ZNF385A: variants seen among roughly 807,000 people sequenced by gnomAD.
ZNF385A encodes zinc finger protein 385A, also known as hematopoietic zinc finger protein.
A neutral mutation model predicts 32.1 loss-of-function variants in ZNF385A; 14 were observed. The ratio of observed to expected loss-of-function variants is 0.44; its 90% CI spans 0.29 to 0.68. The LOEUF is 0.68. Ranked by LOEUF, ZNF385A falls within the 30% of genes least tolerant of loss-of-function variation. The pLI, the probability that ZNF385A is intolerant of heterozygous loss-of-function variation, is 0.14. For missense variants in ZNF385A, 406 were observed against 478.4 expected, an observed-to-expected ratio of 0.85 and a Z score of 1.41; for synonymous variants, 197 against 202.7, an observed-to-expected ratio of 0.97 and a Z score of 0.24.
chr12:54,371,458 C>A lies in ZNF385A; in HGVS notation c.604+15G>T. 1 of 1,598,524 alleles carries A rather than the reference C, an allele frequency of 6.3e-7. No homozygotes were observed. Among genetic ancestry groups the A allele is most frequent in the South Asian group, 1.1e-5 (1 of 90,206 alleles). ...GAGGACAGGAGAGTCTGGGTGGGGG[C>A]AGGGGAGTCCATACCTTTGTTATGT... On this transcript the variant is annotated intron_variant, in intron 4 of 6. Transcript: ENST00000394313.
chr12:54,377,721 C>A lies in ZNF385A; in HGVS notation c.88-1767G>T, dbSNP rs910038662. On this transcript the variant is annotated intron_variant, in intron 1 of 6. Transcript: ENST00000394313. ...TCCCAGTCTCCAGGCCTTAATCCTT[C>A]CTATTTAGAGACCCCCAACTCTGTT... 2.6e-4 allele frequency among the ~76,000 whole-genome samples: 40 copies of A among 152,138 alleles called. 1 individual carries two copies. Among genetic ancestry groups the A allele is most frequent in the African/African-American group, 9.7e-4 (40 of 41,440 alleles).
Position 54,375,962 on chromosome 12 carries a change from G to A in ZNF385A, c.88-8C>T, listed in dbSNP as rs764968698. ...CTTCTGCACAGGGTCCATCTGTGGA[G>A]GCAGGCTGGGGTGAGCCGGGAACCC... On this transcript the variant is annotated splice_region_variant and splice_polypyrimidine_tract_variant and intron_variant, in intron 1 of 6. Coordinates refer to ENST00000394313, the MANE Select transcript of ZNF385A (RefSeq NM_015481.3). 5 of 1,611,724 alleles carry A rather than the reference G, an allele frequency of 3.1e-6. No individual in the cohort carries two copies. In the South Asian group the frequency reaches 5.5e-5, roughly 18 times the overall value.
intron 1 of ZNF385A, 83 bp from the exon 2 acceptor site, chr12:54,376,037 C>T (rs1049146643): frequency 5.4e-6 from 6 of 1,109,812 alleles, no homozygotes; most frequent in African/African-American, 1.5e-5. Context: ...CTGTGTTGAA[C>T]CAAGGTCCCC....
At chr12:54,387,570 C>T (rs1955525304), upstream of ZNF385A, among the ~76,000 whole-genome samples, 1 of 152,104 alleles carries the variant, frequency 6.6e-6, no homozygotes, top group South Asian at 2.1e-4. Flanking sequence ...ACACAATCTC[C>T]CAGTAGGTGG....
intron 1 of ZNF385A, among the ~76,000 whole-genome samples, chr12:54,383,585 A>G (rs1350582564): frequency 6.6e-6 from 1 of 151,704 alleles, no homozygotes; most frequent in Non-Finnish European, 1.5e-5. Context: ...TTACCAAGTC[A>G]CTCTCCTGCT....
Position 54,370,569 on chromosome 12 carries a change from C to T in ZNF385A, c.870+57G>A. On this transcript the variant is annotated intron_variant, in intron 6 of 6. Transcript: ENST00000394313. This position sits in a 1 kb window ranked among gnomAD's most constrained non-coding sequence, Gnocchi z 5.5. ...CTCTCCCTGGGCAAAGCCCGCGTCC[C>T]TCTCTCCTCCCCGCCCGCGCCCTCC... The T allele has an allele frequency of 1.3e-6, 2 of 1,555,312 alleles. No homozygotes were observed. Among genetic ancestry groups the T allele is most frequent in the Non-Finnish European group, 1.7e-6 (2 of 1,149,052 alleles).
intron 1 of ZNF385A, chr12:54,379,120 G>C (rs1430865749): frequency 1.0e-6 from 1 of 980,942 alleles, no homozygotes; most frequent in African/African-American, 1.8e-5. Flanking sequence ...GACCCGGGCT[G>C]GGGGGCCGCG....
intron 1 of ZNF385A, among the ~76,000 whole-genome samples, chr12:54,381,610 G>A (rs1399275571): frequency 1.3e-5 from 2 of 152,144 alleles, no homozygotes; most frequent in African/African-American, 4.8e-5. Flanking sequence ...TTAGATGGGG[G>A]GAGGTTTTCT....
chr12:54,369,298 G>C lies in ZNF385A; in HGVS notation c.*958C>G. 1 of 152,328 alleles carries C rather than the reference G, an allele frequency of 6.6e-6. No homozygotes were observed. The allele number at this position is 152,328 out of a possible 1,614,324, so 9.4% of individuals were successfully genotyped here. On this transcript the variant is annotated 3_prime_UTR_variant, in exon 7 of 7. Coordinates refer to ENST00000394313, the MANE Select transcript of ZNF385A (RefSeq NM_015481.3). ...CCGGGTCGGCGGCTGAAGGGTTGAC[G>C]ATACGGAAACCACGGAGTCGGGGGT...
In ZNF385A at chr12:54,374,096, G is replaced by A; in HGVS notation, c.238C>T (p.Arg80Ter). The change falls in exon 3 of 7, where the codon CGA becomes TGA. Residue 80 changes from arginine (R) to a stop codon, truncating the protein, a stop_gained. Coordinates refer to ENST00000394313, the MANE Select transcript of ZNF385A (RefSeq NM_015481.3). LOFTEE classifies it high-confidence loss of function. ...EAHYKGNRHA[R>*]RVKGIEAAKT... ...GCAGCCTCAATGCCTTTGACTCGTC[G>A]GGCGTGGCGATTACCTTTGTAGTGC... The A allele has an allele frequency of 1.3e-6, 2 of 1,588,644 alleles. No homozygotes were observed. The highest frequency in any genetic ancestry group is 1.7e-4 in the Middle Eastern group (1 of 5,954).
chr12:54,371,370 G>T, intron 4 of ZNF385A, 103 bp downstream of exon 4: 3 of 1,459,686 alleles, frequency 2.1e-6, no homozygotes, highest in South Asian at 1.3e-5. Context: ...AGGCTGATAG[G>T]TCTTAGATGG....
At position 54,369,885 on chromosome 12, in the gene ZNF385A, C is replaced by A. The variant is rs1954421819; in HGVS notation, c.*371G>T. ...CGCTTATTGCCAAGAAAATCCATTT[C>A]TGTCCCCCCCGGACCCCGACCATGG... On this transcript the variant is annotated 3_prime_UTR_variant, in exon 7 of 7. Coordinates refer to ENST00000394313, the MANE Select transcript of ZNF385A (RefSeq NM_015481.3). 1 of 187,966 alleles carries A rather than the reference C, an allele frequency of 5.3e-6. No homozygotes were observed. Among genetic ancestry groups the A allele is most frequent in the Non-Finnish European group, 1.1e-5 (1 of 91,552 alleles). The allele number at this position is 187,966 out of a possible 1,614,324, so 11.6% of individuals were successfully genotyped here.
At chr12:54,381,143 C>T (rs568540983) in intron 1 of ZNF385A, among the ~76,000 whole-genome samples, 11 of 140,996 alleles carry the variant, frequency 7.8e-5, no homozygotes, top group South Asian at 4.4e-4. Flanking sequence ...TTGCAGTGAG[C>T]GGAGATTGGG....
chr12:54,389,026 A>T (rs543886222), upstream of ZNF385A, among the ~76,000 whole-genome samples: 2 of 152,270 alleles, frequency 1.3e-5, no homozygotes, highest in Non-Finnish European at 2.9e-5. Context: ...GGAGTAGTTG[A>T]CTGGGAAGGG....
At chr12:54,387,011 T>C (rs1375585001), upstream of ZNF385A, among the ~76,000 whole-genome samples, 1 of 152,210 alleles carries the variant, frequency 6.6e-6, no homozygotes, top group East Asian at 1.9e-4. Flanking sequence ...AGAGCTGAGA[T>C]ATAGATCAAG....
upstream of ZNF385A, chr12:54,385,257 C>T (rs1298933002): frequency 6.6e-6 from 1 of 152,296 alleles, no homozygotes; most frequent in Non-Finnish European, 1.5e-5. Context: ...GCTACAGGTC[C>T]AGTTCTGCAG....
In ZNF385A at chr12:54,375,859, G is replaced by T. The variant is rs1954823002; in HGVS notation, c.183C>A (p.Ile61=). Residue 61 remains isoleucine (I), a synonymous_variant, in exon 2 of 7, where the codon ATC becomes ATA. Coordinates refer to ENST00000394313, the MANE Select transcript of ZNF385A (RefSeq NM_015481.3). Reference sequence around the variant, plus strand: ...GGCTTCTTACCTGAGAATTGAAGCGGATTTGACAGATATTACAGGAAATGA... The same window carrying T: ...GGCTTCTTACCTGAGAATTGAAGCGTATTTGACAGATATTACAGGAAATGA... ...RPVISCNICQ[I]RFNSQSQAEA... is the part of the protein sequence containing the mutation. 1 of 1,614,004 alleles carries T rather than the reference G, an allele frequency of 6.2e-7. No individual in the cohort carries two copies. The highest frequency in any genetic ancestry group is 1.3e-5 in the African/African-American group (1 of 74,892).
chr12:54,372,633 A>G (rs998644366), intron 3 of ZNF385A, among the ~76,000 whole-genome samples: 6 of 152,218 alleles, frequency 3.9e-5, no homozygotes, highest in African/African-American at 1.4e-4. Flanking sequence ...AGTGCTATTC[A>G]AGAAATGTTA....
chr12:54,374,021 G>A lies in ZNF385A; in HGVS notation c.313C>T (p.Pro105Ser), dbSNP rs1317401001. ...PGVREPGDPAPPGSTPTNGDG... is the reference protein window; with the variant it reads ...PGVREPGDPASPGSTPTNGDG... The stretch of plus-strand genomic sequence containing the variant: ...CCATTTGTTGGGGTGCTGCCTGGGG[G>A]AGCTGGGTCTCCAGGTTCTCGGACG... Residue 105 changes from proline (P) to serine (S), a missense_variant, in exon 3 of 7, where the codon CCC becomes TCC. By Grantham distance (74) the Pro-to-Ser change is moderately conservative. Coordinates refer to ENST00000394313, the MANE Select transcript of ZNF385A (RefSeq NM_015481.3). 1.9e-6 allele frequency: 3 copies of A among 1,595,588 alleles called. No homozygotes were observed. Among genetic ancestry groups the A allele is most frequent in the Admixed American group, 1.7e-5 (1 of 58,638 alleles).
Sources: allele counts gnomAD v4.1 joint callset (sites outside exome capture counted in the v4.1 genomes callset), GRCh38; gene constraint gnomAD v4.1.1; non-coding constraint Gnocchi (gnomAD v3.1); transcripts MANE v1.5; gene names NCBI Gene and HGNC (gene_info 2026-07-23, HGNC 2026-07-21).